COL4A6: variants seen among roughly 807,000 people sequenced by gnomAD.
The protein encoded by COL4A6 is collagen alpha-6(IV) chain.
Under a neutral mutation model 126.7 loss-of-function variants are expected in COL4A6, and 59 were observed. The ratio of observed to expected loss-of-function variants is 0.47; its 90% CI spans 0.38 to 0.58. The LOEUF (loss-of-function observed/expected upper bound fraction) is 0.58. Ranked by LOEUF, COL4A6 falls within the 20% of genes least tolerant of loss-of-function variation. The probability of loss-of-function intolerance (pLI) is 0.00; values close to 1 mark genes in which losing one functional copy is unlikely to be tolerated. For synonymous variants in COL4A6, 547 were observed against 496.6 expected (o/e 1.10, Z -1.35); for missense variants, 1,285 against 1,337.3 (o/e 0.96, Z 0.61).
intron 3 of COL4A6, among the ~76,000 whole-genome samples, chrX:108,259,358 T>TAG (rs2051660057): frequency 8.9e-6 from 1 of 111,744 alleles, no homozygotes; most frequent in African/African-American, 3.3e-5. Context: ...AAATAGTTTA[T>TAG]CATAGTTTAA....
In COL4A6 at chrX:108,166,512, T is replaced by C. The variant is rs776760078; in HGVS notation, c.3692-1026A>G. On this transcript the variant is annotated intron_variant, in intron 37 of 44. Transcript: ENST00000334504. ...AATGTTAATATCGAATTTTATCTTT[T>C]GTGACAAGAAAAATGCAAAAATATG... Among the ~76,000 whole-genome samples the C allele has an allele frequency of 3.0e-4, 34 of 112,467 alleles. 1 individual carries two copies. Among genetic ancestry groups the C allele is most frequent in the African/African-American group, 1.1e-3 (33 of 31,078 alleles).
Position 108,191,303 on chromosome X carries a change from C to T in COL4A6, c.1321+90G>A. On this transcript the variant is annotated intron_variant, in intron 19 of 44. Transcript: ENST00000334504. The stretch of plus-strand genomic sequence containing the variant: ...CATGTATCCTGGCTTAGCTGTTTCA[C>T]CTGTGAGATGCCCCCTCAAAAATCA... 5 of 1,068,614 alleles carry T rather than the reference C, an allele frequency of 4.7e-6. No individual in the cohort carries two copies. The South Asian group carries it at 8.7e-5, about 19-fold the overall frequency. 88.1% of individuals were successfully genotyped at this position (1,068,614 alleles called of 1,213,427 possible).
intron 2 of COL4A6, among the ~76,000 whole-genome samples, chrX:108,386,613 T>C (rs1340881303): frequency 8.9e-6 from 1 of 112,097 alleles, no homozygotes; most frequent in East Asian, 2.8e-4. Context: ...TTCTGGATAT[T>C]AGCCCTTTGT....
At chrX:108,180,183 C>G (rs1252637864) in intron 25 of COL4A6, among the ~76,000 whole-genome samples, 1 of 111,395 alleles carries the variant, frequency 9.0e-6, no homozygotes, top group East Asian at 2.8e-4. Flanking sequence ...AACTGGCAGA[C>G]AGACAACCTG....
intron 42 of COL4A6, 39 bp downstream of exon 42, chrX:108,161,580 T>G: frequency 7.8e-6 from 5 of 644,842 alleles, no homozygotes; most frequent in East Asian, 7.8e-5. Context: ...CAGACCACCA[T>G]CCCCGCCCCG....
intron 2 of COL4A6, among the ~76,000 whole-genome samples, chrX:108,365,819 C>A (rs1603170296): frequency 9.0e-6 from 1 of 111,529 alleles, no homozygotes; most frequent in Non-Finnish European, 1.9e-5. Context: ...GTGTAGAAAG[C>A]CTTCTTGGAG....
intron 3 of COL4A6, among the ~76,000 whole-genome samples, chrX:108,296,689 A>G (rs1471389363): frequency 8.9e-6 from 1 of 111,794 alleles, no homozygotes; most frequent in Non-Finnish European, 1.9e-5. Context: ...AGTCGTAGTG[A>G]TGGTGGTGAT....
chrX:108,236,678 CT>C (rs752913537), intron 3 of COL4A6, among the ~76,000 whole-genome samples: 1 of 112,003 alleles, frequency 8.9e-6, no homozygotes, highest in South Asian at 3.8e-4. Context: ...CCAGAACAAA[CT>C]TCATGGTAAA....
intron 2 of COL4A6, among the ~76,000 whole-genome samples, chrX:108,353,053 G>A (rs955822806): frequency 8.0e-5 from 9 of 112,150 alleles, no homozygotes; most frequent in African/African-American, 2.3e-4. Flanking sequence ...TGAAGGCAAC[G>A]CCAGCGTGGC....
At chrX:108,273,236 A>G (rs1384938115) in intron 3 of COL4A6, among the ~76,000 whole-genome samples, 5 of 110,565 alleles carry the variant, frequency 4.5e-5, no homozygotes, top group Non-Finnish European at 9.5e-5. Flanking sequence ...AAAAATGCTC[A>G]TCATCACTGG....
chrX:108,277,064 C>T (rs904068424), intron 3 of COL4A6, among the ~76,000 whole-genome samples: 31 of 112,051 alleles, frequency 2.8e-4, no homozygotes, highest in African/African-American at 9.1e-4. Flanking sequence ...CAGCTCCCAG[C>T]GTGAGCGATG....
intron 3 of COL4A6, among the ~76,000 whole-genome samples, chrX:108,303,891 A>C (rs191693930): frequency 9.0e-6 from 1 of 111,704 alleles, no homozygotes; most frequent in Non-Finnish European, 1.9e-5. Context: ...ATTGTCAAAC[A>C]TCACCTTCCG....
At position 108,179,455 on chromosome X, in the gene COL4A6, G is replaced by A. The variant is rs1380964737; in HGVS notation, c.2132-17C>T. The A allele has an allele frequency of 2.6e-6, 3 of 1,149,757 alleles. No individual in the cohort carries two copies. The highest frequency in any genetic ancestry group is 3.5e-6 in the Non-Finnish European group (3 of 849,309). 94.8% of individuals were successfully genotyped at this position (1,149,757 alleles called of 1,213,427 possible). A position where few individuals can be genotyped will look rare whatever the true frequency, so the allele number is the denominator to read the frequency against. ...CAGGAAATCCTAAACGTAAAAAGGCGAACATAAAAGACCATGGCTGTTTAG... is the reference window on the plus strand; with the variant it reads ...CAGGAAATCCTAAACGTAAAAAGGCAAACATAAAAGACCATGGCTGTTTAG... On this transcript the variant is annotated splice_polypyrimidine_tract_variant and intron_variant, in intron 25 of 44. Transcript: ENST00000334504.
At chrX:108,294,780 C>T (rs2038276893) in intron 3 of COL4A6, among the ~76,000 whole-genome samples, 1 of 111,265 alleles carries the variant, frequency 9.0e-6, no homozygotes, top group African/African-American at 3.3e-5. Context: ...CCCAGGGCTA[C>T]TGTGAAAATT....
intron 2 of COL4A6, among the ~76,000 whole-genome samples, chrX:108,366,881 T>C (rs2040208782): frequency 8.9e-6 from 1 of 112,374 alleles, no homozygotes; most frequent in South Asian, 3.7e-4. Context: ...TAATAGTGTA[T>C]GACATCAGTG....
intron 3 of COL4A6, among the ~76,000 whole-genome samples, chrX:108,307,204 T>G (rs1021852864): frequency 3.2e-4 from 36 of 111,721 alleles, no homozygotes; most frequent in Non-Finnish European, 6.4e-4. Context: ...AGTCATATAT[T>G]AAGTTCAAAT....
intron 2 of COL4A6, among the ~76,000 whole-genome samples, chrX:108,330,001 C>T (rs2039257569): frequency 9.1e-6 from 1 of 110,430 alleles, no homozygotes; most frequent in South Asian, 3.8e-4. Flanking sequence ...TTTGGACATG[C>T]TGAGTTTGAA....
At chrX:108,270,555 G>A (rs1329466439) in intron 3 of COL4A6, among the ~76,000 whole-genome samples, 1 of 112,208 alleles carries the variant, frequency 8.9e-6, no homozygotes, top group Non-Finnish European at 1.9e-5. Flanking sequence ...CAGACTGACT[G>A]ATGCCCAGCA....
At chrX:108,261,494 T>C (rs980649015) in intron 3 of COL4A6, among the ~76,000 whole-genome samples, 6 of 111,474 alleles carry the variant, frequency 5.4e-5, no homozygotes, top group Admixed American at 9.5e-5. Flanking sequence ...ACATAGCTAA[T>C]TTCCAGTAGA....
Sources: allele counts gnomAD v4.1 joint callset (sites outside exome capture counted in the v4.1 genomes callset), GRCh38; gene constraint gnomAD v4.1.1; transcripts MANE v1.5; gene names NCBI Gene and HGNC (gene_info 2026-07-23, HGNC 2026-07-21).